The following TAFA1 variants were observed in gnomAD, a reference collection of about 807,000 sequenced individuals.
TAFA1 encodes TAFA chemokine like family member 1, also known as chemokine-like protein TAFA-1.
In TAFA1, 4 loss-of-function variants were observed where a neutral mutation model predicts 18.5. The observed-to-expected ratio is 0.22, with a 90% CI of 0.11 to 0.49. The LOEUF (loss-of-function observed/expected upper bound fraction) is 0.49. Among genes scored for constraint, TAFA1 ranks in the 20% least tolerant of loss-of-function variants. The pLI is 0.98. For synonymous variants in TAFA1, 56 were observed against 55.2 expected (o/e 1.01, Z -0.06); for missense variants, 147 against 169.0 (o/e 0.87, Z 0.72).
At chr3:68,297,878 TACA>T (rs1350516653) in intron 2 of TAFA1, among the ~76,000 whole-genome samples, 1 of 152,210 alleles carries the variant, frequency 6.6e-6, no homozygotes, top group African/African-American at 2.4e-5. Context: ...GATCAATTAT[TACA>T]ACAAGCTCAG....
intron 2 of TAFA1, among the ~76,000 whole-genome samples, chr3:68,177,280 AAAT>A (rs2066137948): frequency 6.6e-6 from 1 of 152,224 alleles, no homozygotes; most frequent in Admixed American, 6.5e-5. Flanking sequence ...TTTAATTGGT[AAAT>A]CAACATTAAT....
intron 2 of TAFA1, among the ~76,000 whole-genome samples, chr3:68,153,102 T>C (rs2065826833): frequency 6.6e-6 from 1 of 152,140 alleles, no homozygotes; most frequent in Non-Finnish European, 1.5e-5. Flanking sequence ...ATGGACAAAA[T>C]GAGTTACTCT....
intron 2 of TAFA1, among the ~76,000 whole-genome samples, chr3:68,101,779 T>A (rs1471822529): frequency 6.6e-6 from 1 of 152,140 alleles, no homozygotes; most frequent in East Asian, 1.9e-4. Flanking sequence ...TAGAGTCATG[T>A]CATGGAGTGC....
At chr3:68,279,295 A>G (rs967114122) in intron 2 of TAFA1, among the ~76,000 whole-genome samples, 2 of 152,152 alleles carry the variant, frequency 1.3e-5, no homozygotes, top group African/African-American at 4.8e-5. Context: ...CCAGGAATCT[A>G]TTCTTTATAC....
At chr3:68,476,882 G>T (rs1422235423) in intron 3 of TAFA1, among the ~76,000 whole-genome samples, 1 of 152,046 alleles carries the variant, frequency 6.6e-6, no homozygotes, top group Non-Finnish European at 1.5e-5. Context: ...TATCATAATG[G>T]TTAATTTTTA....
chr3:68,273,805 C>T (rs1459932102), intron 2 of TAFA1, among the ~76,000 whole-genome samples: 2 of 152,150 alleles, frequency 1.3e-5, no homozygotes, highest in Admixed American at 6.5e-5. Context: ...CCAGTCTTAT[C>T]CCTGGCTGTG....
At chr3:68,124,980 G>C (rs376329547) in intron 2 of TAFA1, among the ~76,000 whole-genome samples, 1 of 152,304 alleles carries the variant, frequency 6.6e-6, no homozygotes, top group South Asian at 2.1e-4. Flanking sequence ...AAACAAAATC[G>C]TCATCCACTT....
At chr3:68,540,530 C>T (rs1296191698) in intron 4 of TAFA1, among the ~76,000 whole-genome samples, 1 of 152,172 alleles carries the variant, frequency 6.6e-6, no homozygotes, top group East Asian at 1.9e-4. Flanking sequence ...TTGTTTTAAG[C>T]TATTCTGAAT....
intron 2 of TAFA1, among the ~76,000 whole-genome samples, chr3:68,146,675 T>A (rs185495431): frequency 3.9e-5 from 6 of 152,342 alleles, no homozygotes; most frequent in Admixed American, 2.0e-4. Context: ...TAGATTAGAA[T>A]CTCATGGGTG....
chr3:68,059,325 T>C (rs973204263), intron 2 of TAFA1, among the ~76,000 whole-genome samples: 4 of 152,108 alleles, frequency 2.6e-5, no homozygotes, highest in Non-Finnish European at 4.4e-5. Flanking sequence ...TTGTTCCTTA[T>C]AACAACCCTG....
intron 2 of TAFA1, among the ~76,000 whole-genome samples, chr3:68,017,902 A>T (rs1704601819): frequency 6.6e-6 from 1 of 152,188 alleles, no homozygotes; most frequent in African/African-American, 2.4e-5. Flanking sequence ...TGAGCAGAGA[A>T]GATTTGGGAA....
chr3:68,172,354 T>C (rs1206455166), intron 2 of TAFA1, among the ~76,000 whole-genome samples: 1 of 152,110 alleles, frequency 6.6e-6, no homozygotes, highest in Non-Finnish European at 1.5e-5. Context: ...CAATACTACT[T>C]CATACCTCCT....
At chr3:68,068,468 G>A (rs1336539214) in intron 2 of TAFA1, among the ~76,000 whole-genome samples, 2 of 152,102 alleles carry the variant, frequency 1.3e-5, no homozygotes, top group Non-Finnish European at 2.9e-5. Context: ...AGTGCTGATG[G>A]CTTTAAGCTT....
chr3:68,122,699 C>A (rs938827134), intron 2 of TAFA1, among the ~76,000 whole-genome samples: 2 of 152,022 alleles, frequency 1.3e-5, no homozygotes, highest in Non-Finnish European at 2.9e-5. Context: ...TGCTTATAAT[C>A]CCATAAATAG....
chr3:68,275,591 T>C (rs1338028736), intron 2 of TAFA1, among the ~76,000 whole-genome samples: 3 of 151,366 alleles, frequency 2.0e-5, no homozygotes, highest in African/African-American at 7.3e-5. Context: ...AGATAAAGTA[T>C]ATGAAACAAA....
intron 3 of TAFA1, among the ~76,000 whole-genome samples, chr3:68,422,539 C>CA (rs1407065350): frequency 6.6e-6 from 1 of 151,982 alleles, no homozygotes; most frequent in Non-Finnish European, 1.5e-5. Flanking sequence ...TTAAAAGAAG[C>CA]ATATATTGGA....
intron 3 of TAFA1, among the ~76,000 whole-genome samples, chr3:68,444,227 C>T (rs763480084): frequency 2.0e-5 from 3 of 152,078 alleles, no homozygotes; most frequent in East Asian, 1.9e-4. Flanking sequence ...CAGTGAAATA[C>T]GTTTTTTAAA....
At chr3:68,321,513 G>C (rs1339739818) in intron 2 of TAFA1, among the ~76,000 whole-genome samples, 3 of 152,144 alleles carry the variant, frequency 2.0e-5, no homozygotes. Flanking sequence ...TTCTTTTTCA[G>C]CTTTGGCTTT....
At chr3:68,049,686 T>G (rs2064441976) in intron 2 of TAFA1, among the ~76,000 whole-genome samples, 1 of 151,858 alleles carries the variant, frequency 6.6e-6, no homozygotes, top group Admixed American at 6.6e-5. Context: ...TTTCTACGAC[T>G]GGAGAGAGGA....
Sources: gnomAD v4.1 joint callset for allele counts (sites outside exome capture counted in the v4.1 genomes callset) on GRCh38, gnomAD v4.1.1 for gene constraint, MANE v1.5 for transcripts, NCBI Gene and HGNC (gene_info 2026-07-23, HGNC 2026-07-21) for gene names.